The following XPO1 variants were observed in gnomAD, a reference collection of about 807,000 sequenced individuals.
XPO1 encodes exportin-1.
Under a neutral mutation model 133.3 loss-of-function variants are expected in XPO1, and 5 were observed. The ratio of observed to expected loss-of-function variants is 0.04; its 90% CI spans 0.02 to 0.08. The LOEUF is 0.08. Ranked by LOEUF, XPO1 falls within the 10% of genes least tolerant of loss-of-function variation. The pLI, the probability that XPO1 is intolerant of heterozygous loss-of-function variation, is 1.00. For synonymous variants in XPO1, 419 were observed against 408.2 expected (o/e 1.03, Z -0.32); for missense variants, 506 against 1,267.5 (o/e 0.40, Z 9.12).
At position 61,493,963 on chromosome 2, in the gene XPO1, C is replaced by A. The variant is rs987356613; in HGVS notation, c.1176G>T (p.Pro392=). 1.2e-6 allele frequency: 2 copies of A among 1,614,062 alleles called. No individual in the cohort carries two copies. Among genetic ancestry groups the A allele is most frequent in the East Asian group, 4.5e-5 (2 of 44,864 alleles). The change falls in exon 12 of 25, where the codon CCG becomes CCT. Residue 392 remains proline, a synonymous_variant. Transcript: ENST00000401558. The stretch of plus-strand genomic sequence containing the variant: ...CAAAATGTTGACTTCCAGAAAGCAA[C>A]GGAGAGGCAGATGTAGAGAATGGAC... ...RESPFSTSAS[P]LLSGSQHFDV...
At position 61,478,635 on chromosome 2, in the gene XPO1, A is replaced by T; in HGVS notation, c.*185T>A. The T allele has an allele frequency of 1.6e-6, 1 of 612,116 alleles. No individual in the cohort carries two copies. The allele number at this position is 612,116 out of a possible 1,614,324, so 37.9% of individuals were successfully genotyped here. A position where few individuals can be genotyped will look rare whatever the true frequency, so the allele number is the denominator to read the frequency against. ...TGCAAACTAAATAAAGATGACCAAAACAAAAGCTTAAACAATGGAAGGATA... is the reference window on the plus strand; with the variant it reads ...TGCAAACTAAATAAAGATGACCAAATCAAAAGCTTAAACAATGGAAGGATA... On this transcript the variant is annotated 3_prime_UTR_variant, in exon 25 of 25. Coordinates refer to ENST00000401558, the MANE Select transcript of XPO1 (RefSeq NM_003400.4).
chr2:61,532,513 G>C (rs540007533), intron 2 of XPO1, among the ~76,000 whole-genome samples: 19 of 151,950 alleles, frequency 1.3e-4, no homozygotes, highest in African/African-American at 3.6e-4. Context: ...TATCTAACCA[G>C]AAATCTACTG....
chr2:61,522,114 G>A (rs900938698), intron 4 of XPO1, among the ~76,000 whole-genome samples: 19 of 151,590 alleles, frequency 1.3e-4, no homozygotes, highest in Admixed American at 7.2e-4. Flanking sequence ...TTGTCACCCA[G>A]GCTGAAGTGC....
At chr2:61,513,674 GAATACAACACAA>G (rs1698209938) in intron 4 of XPO1, among the ~76,000 whole-genome samples, 1 of 151,546 alleles carries the variant, frequency 6.6e-6, no homozygotes, top group Admixed American at 6.6e-5. Context: ...AAGATTTCTT[GAATACAACACAA>G]AAAACATCAA....
At chr2:61,505,166 G>A (rs565258158) in intron 4 of XPO1, among the ~76,000 whole-genome samples, 1 of 151,918 alleles carries the variant, frequency 6.6e-6, no homozygotes, top group African/African-American at 2.4e-5. Context: ...GCTTAGCACC[G>A]TGCCTGGCTG....
At chr2:61,531,108 C>G (rs1328430910) in intron 2 of XPO1, among the ~76,000 whole-genome samples, 2 of 152,194 alleles carry the variant, frequency 1.3e-5, no homozygotes, top group Non-Finnish European at 2.9e-5. Flanking sequence ...GCTGCTACTA[C>G]TACTCCTTTT....
At position 61,538,173 on chromosome 2, in the gene XPO1, G is replaced by A; in HGVS notation, c.-618C>T. ...AAGACTGGAACAGGCACCGCCGCCG[G>A]GGCTGTAGCTACTGTTGCTCTTGCT... On this transcript the variant is annotated 5_prime_UTR_variant, in exon 1 of 25. Transcript: ENST00000401558. 1 of 219,804 alleles carries A rather than the reference G, an allele frequency of 4.5e-6. No individual in the cohort carries two copies. The allele number at this position is 219,804 out of a possible 1,614,324, so 13.6% of individuals were successfully genotyped here.
At chr2:61,504,619 T>A (rs929467559) in intron 4 of XPO1, among the ~76,000 whole-genome samples, 1 of 152,172 alleles carries the variant, frequency 6.6e-6, no homozygotes. Flanking sequence ...CTGGCATATA[T>A]AGAACTGAGT....
intron 2 of XPO1, among the ~76,000 whole-genome samples, chr2:61,527,279 G>A (rs1157705593): frequency 8.5e-5 from 12 of 140,852 alleles, no homozygotes; most frequent in African/African-American, 3.2e-4. Flanking sequence ...AGACCAGCTG[G>A]CCAGTCTAGG....
At chr2:61,488,091 ATAATAGAGTATAGCATATTC>A (rs1333003334) in intron 19 of XPO1, 54 bp downstream of exon 19, 2 of 1,318,432 alleles carry the variant, frequency 1.5e-6, no homozygotes, top group Non-Finnish European at 2.2e-6. Context: ...CAAAATGCAC[ATAATAGAGTATAGCATATTC>A]CATAAAACAC....
At chr2:61,480,972 G>A (rs148030927) in intron 24 of XPO1, among the ~76,000 whole-genome samples, 4 of 152,166 alleles carry the variant, frequency 2.6e-5, no homozygotes, top group African/African-American at 4.8e-5. Flanking sequence ...AAGTTTATCC[G>A]AATAACATCT....
intron 21 of XPO1, 112 bp from the exon 22 acceptor site, chr2:61,483,203 GGAT>G: frequency 8.5e-7 from 1 of 1,181,396 alleles, no homozygotes; most frequent in Non-Finnish European, 1.2e-6. Flanking sequence ...CTTTTTTTTG[GGAT>G]GATGACTAAT....
intron 7 of XPO1, 67 bp downstream of exon 7, chr2:61,499,646 T>A (rs1697408972): frequency 4.9e-6 from 7 of 1,414,956 alleles, no homozygotes; most frequent in Non-Finnish European, 6.6e-6. Flanking sequence ...ATCTACAATT[T>A]ACATCCAAAC....
chr2:61,528,658 A>C (rs1699014147), intron 2 of XPO1, among the ~76,000 whole-genome samples: 1 of 149,848 alleles, frequency 6.7e-6, no homozygotes, highest in Non-Finnish European at 1.5e-5. Context: ...CTCTCAAAAA[A>C]AAAAAAAAAA....
intron 11 of XPO1, among the ~76,000 whole-genome samples, 173 bp downstream of exon 11, chr2:61,495,282 T>C (rs1029836663): frequency 6.6e-6 from 1 of 152,134 alleles, no homozygotes; most frequent in African/African-American, 2.4e-5. Context: ...GAACATAAAA[T>C]CAGAAAACTG....
chr2:61,502,158 G>T (rs1697559708), intron 5 of XPO1, 91 bp downstream of exon 5: 1 of 1,526,266 alleles, frequency 6.6e-7, no homozygotes, highest in Non-Finnish European at 9.0e-7. Flanking sequence ...GCATATGTGT[G>T]ACTATGTGTC....
intron 23 of XPO1, 102 bp downstream of exon 23, chr2:61,482,278 A>G (rs1696424120): frequency 8.6e-7 from 1 of 1,160,910 alleles, no homozygotes; most frequent in African/African-American, 1.6e-5. Flanking sequence ...TTTTGGGCCC[A>G]AGCAATCCTC....
intron 12 of XPO1, chr2:61,493,332 A>G (rs1697083573): frequency 3.7e-6 from 1 of 269,616 alleles, no homozygotes; most frequent in Non-Finnish European, 6.9e-6. Flanking sequence ...ATGTAAATAT[A>G]AATGAAGTAA....
chr2:61,499,435 C>T (rs1393983239), intron 7 of XPO1, among the ~76,000 whole-genome samples: 3 of 152,124 alleles, frequency 2.0e-5, no homozygotes, highest in African/African-American at 4.8e-5. Context: ...ATAACTAATA[C>T]GTATGTTTGG....
Sources: allele counts gnomAD v4.1 joint callset (sites outside exome capture counted in the v4.1 genomes callset), GRCh38; gene constraint gnomAD v4.1.1; transcripts MANE v1.5; gene names NCBI Gene and HGNC (gene_info 2026-07-23, HGNC 2026-07-21).